CCDC88A: variants seen among roughly 807,000 people sequenced by gnomAD.
CCDC88A encodes the protein coiled-coil and HOOK domain protein 88A, also known as girdin.
CCDC88A carries 54 observed loss-of-function variants against 234.3 expected under a neutral mutation model. The observed-to-expected ratio is 0.23, with a 90% CI of 0.19 to 0.29. The LOEUF is 0.29. Ranked by LOEUF, CCDC88A falls within the 10% of genes least tolerant of loss-of-function variation. The pLI is 1.00. For missense variants in CCDC88A, 1,832 were observed against 2,123.4 expected (o/e 0.86, Z 2.70); for synonymous variants, 753 against 737.8 (o/e 1.02, Z -0.33).
chr2:55,295,818 G>C lies in CCDC88A; in HGVS notation c.5330C>G (p.Thr1777Ser), dbSNP rs994529659. 5 of 1,614,112 alleles carry C rather than the reference G, an allele frequency of 3.1e-6. No homozygotes were observed. Among genetic ancestry groups the C allele is most frequent in the Non-Finnish European group, 4.2e-6 (5 of 1,180,012 alleles). ...ISSAGKPTPG[T>S]QGKIKLVKES... ...TTTTACTAATTTTATTTTTCCTTGA[G>C]TGCCTGGTGTAGGTTTTCCCGCAGA... Residue 1777 changes from threonine to serine, a missense_variant, in exon 31 of 33, where the codon ACT becomes AGT. This residue lies in a region of CCDC88A where 422 missense variants were observed against 416.5 expected (regional missense o/e 1.01). Coordinates refer to ENST00000436346, the MANE Select transcript of CCDC88A (RefSeq NM_001365480.1).
At chr2:55,399,176 T>C (rs1429653150) in intron 2 of CCDC88A, among the ~76,000 whole-genome samples, 1 of 151,906 alleles carries the variant, frequency 6.6e-6, no homozygotes, top group Non-Finnish European at 1.5e-5. Context: ...AATCAAGAAA[T>C]ACCAGAATAG....
intron 25 of CCDC88A, among the ~76,000 whole-genome samples, chr2:55,304,589 C>A (rs949267708): frequency 6.6e-6 from 1 of 151,956 alleles, no homozygotes; most frequent in African/African-American, 2.4e-5. Flanking sequence ...TAAGGAGGTA[C>A]CCCAAAGCAA....
rs1016780361 is a variant in CCDC88A, at chr2:55,302,134, TTG to T, written c.4472-64_4472-63del. 68 of 1,346,664 alleles carry T rather than the reference TTG, an allele frequency of 5.0e-5. No individual in the cohort carries two copies. The Admixed American group carries it at 1.2e-3, about 24-fold the overall frequency. 83.4% of individuals were successfully genotyped at this position (1,346,664 alleles called of 1,614,324 possible). ...TAATGTATTTGTTCTTATTTCTATT[TTG>T]TAGTACAAATACTGTGGTTTTTGTC... On this transcript the variant is annotated intron_variant, in intron 26 of 32. Transcript: ENST00000436346.
chr2:55,378,763 T>G (rs1173507658), intron 3 of CCDC88A, among the ~76,000 whole-genome samples: 1 of 113,894 alleles, frequency 8.8e-6, no homozygotes, highest in Non-Finnish European at 1.8e-5. Context: ...TTTTTTTTTT[T>G]GAGACGGAGT....
At chr2:55,401,302 T>C (rs1462942598) in intron 2 of CCDC88A, among the ~76,000 whole-genome samples, 1 of 150,684 alleles carries the variant, frequency 6.6e-6, no homozygotes, top group African/African-American at 2.4e-5. Flanking sequence ...GGGACAGTGG[T>C]GTGTGCCTGC....
chr2:55,296,026 C>T lies in CCDC88A; in HGVS notation c.5122G>A (p.Asp1708Asn), dbSNP rs753081485. 10 of 1,605,872 alleles carry T rather than the reference C, an allele frequency of 6.2e-6. No homozygotes were observed. The highest frequency in any genetic ancestry group is 8.5e-6 in the Non-Finnish European group (10 of 1,177,948). The change falls in exon 31 of 33, where the codon GAT (aspartate) becomes AAT (asparagine). Residue 1708 changes from aspartate to asparagine, a missense_variant. This residue lies in a region of CCDC88A where 422 missense variants were observed against 416.5 expected (regional missense o/e 1.01). Coordinates refer to ENST00000436346, the MANE Select transcript of CCDC88A (RefSeq NM_001365480.1). ...ACAGACAAACTTTTCATTACTTCAT[C>T]TAAAAGATTCTCTTGACTTGAGGAC... ...IKSSSQENLL[D>N]EVMKSLSVSS... is the part of the protein sequence containing the mutation.
At position 55,299,934 on chromosome 2, in the gene CCDC88A, C is replaced by T. The variant is rs1264641122; in HGVS notation, c.4745-15G>A. 6.3e-7 allele frequency: 1 copy of T among 1,594,966 alleles called. No individual in the cohort carries two copies. Reference sequence around the variant, plus strand: ...TGGTCTTGAAGCTAAATGAAAAAACCAGGAGACAGTGTGATAAAACTTCTA... The same window carrying T: ...TGGTCTTGAAGCTAAATGAAAAAACTAGGAGACAGTGTGATAAAACTTCTA... On this transcript the variant is annotated splice_polypyrimidine_tract_variant and intron_variant, in intron 28 of 32. Coordinates refer to ENST00000436346, the MANE Select transcript of CCDC88A (RefSeq NM_001365480.1).
chr2:55,403,827 T>C (rs1173979426), intron 2 of CCDC88A: 3 of 152,202 alleles, frequency 2.0e-5, no homozygotes, highest in Non-Finnish European at 4.4e-5. Context: ...AAGAAGATTG[T>C]TTAATAGATT....
chr2:55,403,150 T>G (rs1678999713), intron 2 of CCDC88A, among the ~76,000 whole-genome samples: 1 of 152,228 alleles, frequency 6.6e-6, no homozygotes, highest in Non-Finnish European at 1.5e-5. Flanking sequence ...TTCCCTGAAG[T>G]GACAGGCTCA....
chr2:55,419,059 A>G lies in CCDC88A; in HGVS notation c.21T>C (p.Thr7=). The G allele has an allele frequency of 6.2e-7, 1 of 1,612,980 alleles. No individual in the cohort carries two copies. The highest frequency in any genetic ancestry group is 8.5e-7 in the Non-Finnish European group (1 of 1,178,978). The change falls in exon 1 of 33, where the codon ACT becomes ACC. Residue 7 remains threonine, a synonymous_variant. Transcript: ENST00000436346. MENEIF[T]PLLEQFMTSP... ...TGGTCATGAACTGCTCCAGAAGGGG[A>G]GTAAAAATTTCGTTCTCCATTTTAC...
intron 19 of CCDC88A, among the ~76,000 whole-genome samples, chr2:55,318,564 T>C (rs745502314): frequency 1.3e-5 from 2 of 152,198 alleles, no homozygotes; most frequent in Admixed American, 6.5e-5. Flanking sequence ...AAGCATACTC[T>C]AAAGCAAGGG....
Position 55,384,657 on chromosome 2 carries a change from A to ACGTATATATGCGTATATATACG in CCDC88A, c.273+4120_273+4121insCGTATATATACGCATATATACG, listed in dbSNP as rs1558789293. 4.2e-5 allele frequency among the ~76,000 whole-genome samples: 5 copies of ACGTATATATGCGTATATATACG among 119,140 alleles called. 1 individual carries two copies. Among genetic ancestry groups the ACGTATATATGCGTATATATACG allele is most frequent in the African/African-American group, 1.6e-4 (4 of 24,794 alleles). 78.2% of individuals were successfully genotyped at this position (119,140 alleles called of 152,430 possible). A position where few individuals can be genotyped will look rare whatever the true frequency, so the allele number is the denominator to read the frequency against. On this transcript the variant is annotated intron_variant, in intron 3 of 32. Coordinates refer to ENST00000436346, the MANE Select transcript of CCDC88A (RefSeq NM_001365480.1). ...TATATATGTGTATATATACATATAT[A>ACGTATATATGCGTATATATACG]TATATATATATTTTTTAAAGACAGA...
At chr2:55,297,403 T>C (rs1388217394) in intron 29 of CCDC88A, among the ~76,000 whole-genome samples, 1 of 23,890 alleles carries the variant, frequency 4.2e-5, no homozygotes, top group Non-Finnish European at 1.3e-4. Context: ...TATATAAATA[T>C]ACATATGTGT....
intron 7 of CCDC88A, among the ~76,000 whole-genome samples, chr2:55,359,570 G>A (rs1558738289): frequency 6.6e-6 from 1 of 150,448 alleles, no homozygotes; most frequent in East Asian, 1.9e-4. Flanking sequence ...AATTTCGTAT[G>A]CCCCCCCATT....
In CCDC88A at chr2:55,309,513, T is replaced by C. The variant is rs1359839105; in HGVS notation, c.4080-259A>G. On this transcript the variant is annotated intron_variant, in intron 23 of 32. Transcript: ENST00000436346. This position sits in a 1 kb window ranked among gnomAD's most constrained non-coding sequence, Gnocchi z 5.1. ...TTTATATCAGCAAAAAATTAAAACA[T>C]TGTTTAGTTTGCTTACAATTATAGA... 1.3e-5 allele frequency among the ~76,000 whole-genome samples: 2 copies of C among 152,142 alleles called. No homozygotes were observed. The highest frequency in any genetic ancestry group is 2.4e-5 in the African/African-American group (1 of 41,434).
intron 3 of CCDC88A, among the ~76,000 whole-genome samples, chr2:55,385,719 G>A (rs915130470): frequency 6.6e-6 from 1 of 151,680 alleles, no homozygotes; most frequent in Admixed American, 6.6e-5. Flanking sequence ...CGGGCCTGGT[G>A]GCACGTGCCT....
chr2:55,300,337 T>C (rs1043959502), intron 28 of CCDC88A: 14 of 164,876 alleles, frequency 8.5e-5, no homozygotes, highest in South Asian at 3.3e-4. Flanking sequence ...ATGTCCTGTA[T>C]TCCTATCTGT....
chr2:55,368,682 C>T (rs936506267), intron 5 of CCDC88A, among the ~76,000 whole-genome samples: 1 of 151,976 alleles, frequency 6.6e-6, no homozygotes, highest in Non-Finnish European at 1.5e-5. Flanking sequence ...ATTTCCTAAA[C>T]TTTAGTATCA....
At position 55,335,337 on chromosome 2, in the gene CCDC88A, CATTT is replaced by C. The variant is rs1685352201; in HGVS notation, c.1657-177_1657-174del. On this transcript the variant is annotated intron_variant, in intron 14 of 32. Transcript: ENST00000436346. This position sits in a 1 kb window ranked among gnomAD's most constrained non-coding sequence, Gnocchi z 4.5. The stretch of plus-strand genomic sequence containing the variant: ...CCACTGTGTACACTTACTGTGAGGT[CATTT>C]ACTGAAGACCACTGTGTACACTTAC... Among the ~76,000 whole-genome samples, 4 of 50,582 alleles carry C rather than the reference CATTT, an allele frequency of 7.9e-5. No individual in the cohort carries two copies. The South Asian group carries it at 1.9e-3, about 25-fold the overall frequency. The allele number at this position is 50,582 out of a possible 152,430, so 33.2% of individuals were successfully genotyped here. A position where few individuals can be genotyped will look rare whatever the true frequency, so the allele number is the denominator to read the frequency against.
Sources: gnomAD v4.1 joint callset for allele counts (sites outside exome capture counted in the v4.1 genomes callset) on GRCh38, gnomAD v4.1.1 for gene constraint, gnomAD v4.1.1 regional missense constraint, Gnocchi (gnomAD v3.1) non-coding constraint, MANE v1.5 for transcripts, NCBI Gene and HGNC (gene_info 2026-07-23, HGNC 2026-07-21) for gene names.